The following CSMD1 variants were observed in gnomAD, a reference collection of about 807,000 sequenced individuals.
CSMD1 encodes the protein CUB and Sushi multiple domains 1.
CSMD1 carries 213 observed loss-of-function variants against 417.5 expected under a neutral mutation model. The observed-to-expected ratio is 0.51, with a 90% CI of 0.46 to 0.57. The LOEUF (loss-of-function observed/expected upper bound fraction) is 0.57, where lower values mean the gene tolerates loss of function less well. Among genes scored for constraint, CSMD1 ranks in the 20% least tolerant of loss-of-function variants. The pLI is 0.00. For synonymous variants in CSMD1, 2,862 were observed against 1,736.8 expected, an observed-to-expected ratio of 1.65 and a Z score of -16.11; for missense variants, 6,923 against 4,529.7, an observed-to-expected ratio of 1.53 and a Z score of -15.17.
chr8:4,850,469 T>G (rs1269036572), intron 1 of CSMD1, among the ~76,000 whole-genome samples: 1 of 145,620 alleles, frequency 6.9e-6, no homozygotes, highest in African/African-American at 2.5e-5. Context: ...AAGCTTCCTC[T>G]CCCTTCAGTC....
At chr8:3,008,992 T>G (rs1352294677) in intron 52 of CSMD1, among the ~76,000 whole-genome samples, 2 of 152,220 alleles carry the variant, frequency 1.3e-5, no homozygotes, top group African/African-American at 4.8e-5. Flanking sequence ...GTTCCCTGAT[T>G]TGGAAATGTA....
At chr8:3,499,409 A>C (rs139514674) in intron 10 of CSMD1, among the ~76,000 whole-genome samples, 97 of 152,144 alleles carry the variant, frequency 6.4e-4, no homozygotes, top group African/African-American at 2.2e-3. Context: ...TCTCAGTGGA[A>C]TGAGTTTTCT....
chr8:4,549,895 T>TAAAAAAAAAAA (rs1563277700), intron 2 of CSMD1, among the ~76,000 whole-genome samples: 92 of 65,744 alleles, frequency 1.4e-3, no homozygotes, highest in Non-Finnish European at 1.8e-3. Context: ...AGACTTTGTC[T>TAAAAAAAAAAA]CAAAAAAAAA....
chr8:4,635,562 T>A (rs942541030), intron 2 of CSMD1, among the ~76,000 whole-genome samples: 1 of 152,138 alleles, frequency 6.6e-6, no homozygotes, highest in African/African-American at 2.4e-5. Context: ...TTAACAAGCA[T>A]TTTTTAATGG....
chr8:4,068,474 A>G (rs781032390), intron 3 of CSMD1, among the ~76,000 whole-genome samples: 27 of 152,254 alleles, frequency 1.8e-4, no homozygotes, highest in Admixed American at 2.0e-4. Flanking sequence ...TCATGACACC[A>G]TAACACATAG....
At chr8:4,046,490 G>A (rs952343476) in intron 3 of CSMD1, among the ~76,000 whole-genome samples, 3 of 152,138 alleles carry the variant, frequency 2.0e-5, no homozygotes, top group Non-Finnish European at 2.9e-5. Context: ...TTTCGGAAAG[G>A]ATAAAGCATG....
intron 3 of CSMD1, among the ~76,000 whole-genome samples, chr8:4,056,889 T>C: frequency 6.6e-6 from 1 of 152,218 alleles, no homozygotes; most frequent in Non-Finnish European, 1.5e-5. Context: ...GGCTGCATAG[T>C]ATTCCATAGA....
intron 37 of CSMD1, 41 bp from the exon 38 acceptor site, chr8:3,162,318 A>G: frequency 7.8e-7 from 1 of 1,282,338 alleles, no homozygotes; most frequent in Non-Finnish European, 1.1e-6. Context: ...ATATGATGTA[A>G]ACAATATTCT....
chr8:4,369,271 T>C (rs1802266366), intron 3 of CSMD1, among the ~76,000 whole-genome samples: 1 of 152,188 alleles, frequency 6.6e-6, no homozygotes, highest in South Asian at 2.1e-4. Context: ...GTCTTTCTGA[T>C]ACGACTTCAT....
Position 3,106,561 on chromosome 8 carries a change from A to C in CSMD1, c.6916T>G (p.Leu2306Val), listed in dbSNP as rs1446726965. ...DILTCKLSSQ[L>V]QFEGSLPTCE... ...GTTGGGAGAGAACCCTCAAACTGCA[A>C]CTGGGAACTGAGCTTGCAAGTCAGA... The change falls in exon 46 of 70, where the codon TTG becomes GTG. Residue 2306 changes from leucine to valine, a missense_variant. Coordinates refer to ENST00000635120, the MANE Select transcript of CSMD1 (RefSeq NM_033225.6). The C allele has an allele frequency of 6.2e-7, 1 of 1,613,748 alleles. No individual in the cohort carries two copies. Among genetic ancestry groups the C allele is most frequent in the African/African-American group, 1.3e-5 (1 of 74,934 alleles).
chr8:3,553,453 C>G (rs1398756449), intron 10 of CSMD1, among the ~76,000 whole-genome samples: 2 of 152,188 alleles, frequency 1.3e-5, no homozygotes, highest in Non-Finnish European at 2.9e-5. Context: ...TCAGTTTCTT[C>G]CCTACTATGA....
chr8:4,652,584 A>G (rs1230002266), intron 1 of CSMD1, among the ~76,000 whole-genome samples: 3 of 151,974 alleles, frequency 2.0e-5, no homozygotes, highest in Non-Finnish European at 4.4e-5. Context: ...CCCGGGAGGC[A>G]GAGGTTGCAG....
At chr8:4,695,404 G>C (rs1005126196) in intron 1 of CSMD1, among the ~76,000 whole-genome samples, 39 of 152,304 alleles carry the variant, frequency 2.6e-4, no homozygotes, top group African/African-American at 9.1e-4. Context: ...TACTGAATTT[G>C]AAAATTGTAA....
intron 2 of CSMD1, among the ~76,000 whole-genome samples, chr8:4,421,218 T>C (rs902026106): frequency 6.6e-6 from 1 of 152,168 alleles, no homozygotes; most frequent in Non-Finnish European, 1.5e-5. Flanking sequence ...GACAAGTCAG[T>C]GAAGCAAACG....
intron 3 of CSMD1, among the ~76,000 whole-genome samples, chr8:4,283,874 T>C (rs1168349921): frequency 6.6e-6 from 1 of 152,220 alleles, no homozygotes; most frequent in East Asian, 1.9e-4. Flanking sequence ...CCTCCAGGTC[T>C]TTCTCCATGT....
intron 12 of CSMD1, among the ~76,000 whole-genome samples, chr8:3,451,635 G>T (rs534250279): frequency 2.0e-5 from 3 of 152,146 alleles, no homozygotes; most frequent in South Asian, 4.2e-4. Context: ...TAGATATATG[G>T]CATTATTTCT....
intron 12 of CSMD1, among the ~76,000 whole-genome samples, chr8:3,440,853 C>T (rs1814931851): frequency 2.0e-5 from 3 of 152,138 alleles, no homozygotes; most frequent in Admixed American, 6.6e-5. Flanking sequence ...CTTGCTGAGA[C>T]GTTGTCATGA....
chr8:4,444,348 A>AAC (rs2129730395), intron 2 of CSMD1, among the ~76,000 whole-genome samples: 1 of 53,102 alleles, frequency 1.9e-5, no homozygotes, highest in East Asian at 9.2e-4. Context: ...CTCCATCTCA[A>AAC]AAAAAAAAAA....
In CSMD1 at chr8:3,261,326, C is replaced by G. The variant is rs557414504; in HGVS notation, c.4153+22818G>C. Among the ~76,000 whole-genome samples, 9 of 152,220 alleles carry G rather than the reference C, an allele frequency of 5.9e-5. No homozygotes were observed. In the South Asian group the frequency reaches 6.2e-4, roughly 11 times the overall value. On this transcript the variant is annotated intron_variant, in intron 26 of 69. Transcript: ENST00000635120. Reference sequence around the variant, plus strand: ...ATTTGGCAGTTAAAAGCAAAACATTCAATTCTGCAATTGCATTCTTGGGCA... The same window carrying G: ...ATTTGGCAGTTAAAAGCAAAACATTGAATTCTGCAATTGCATTCTTGGGCA...
Sources: allele counts gnomAD v4.1 joint callset (sites outside exome capture counted in the v4.1 genomes callset), GRCh38; gene constraint gnomAD v4.1.1; transcripts MANE v1.5; gene names NCBI Gene and HGNC (gene_info 2026-07-23, HGNC 2026-07-21).